LMO4: variants seen among roughly 807,000 people sequenced by gnomAD.
The protein encoded by LMO4 is LIM domain transcription factor LMO4.
In LMO4, 3 loss-of-function variants were observed where a neutral mutation model predicts 18.5. That is an observed-to-expected ratio of 0.16 (90% CI 0.07 to 0.42). LMO4 has a LOEUF of 0.42. LMO4 is among the 10% of genes least tolerant of loss of function. The pLI is 0.99. For synonymous variants in LMO4, 100 were observed against 88.1 expected (o/e 1.14, Z -0.76); for missense variants, 121 against 219.9 (o/e 0.55, Z 2.84).
At chr1:87,339,908 T>C (rs1650424483) in intron 3 of LMO4, 139 bp from the exon 4 acceptor site, 1 of 944,574 alleles carries the variant, frequency 1.1e-6, no homozygotes, top group South Asian at 1.7e-5. Flanking sequence ...TCTGGAGATC[T>C]GTCAAAGGAA....
Position 87,346,607 on chromosome 1 carries a change from C to T in LMO4, c.*1811C>T, listed in dbSNP as rs1650642295. 1 of 151,906 alleles carries T rather than the reference C, an allele frequency of 6.6e-6. No individual in the cohort carries two copies. The highest frequency in any genetic ancestry group is 6.5e-5 in the Admixed American group (1 of 15,272). The allele number at this position is 151,906 out of a possible 1,614,324, so 9.4% of individuals were successfully genotyped here. ...ACATCTCAACTACCAGTCAGCTTCC[C>T]TTTGAGAACTTCTGTGCTCACTTCC... On this transcript the variant is annotated 3_prime_UTR_variant, in exon 5 of 5. Coordinates refer to ENST00000370544, the MANE Select transcript of LMO4 (RefSeq NM_006769.4).
intron 1 of LMO4, 160 bp from the exon 2 acceptor site, chr1:87,331,851 TCC>T: frequency 2.6e-5 from 16 of 606,260 alleles, no homozygotes; most frequent in Admixed American, 8.9e-5. Flanking sequence ...CCTCCCTTCT[TCC>T]CTCTCCCCCT....
rs201709154 is a variant in LMO4, at chr1:87,329,127, A to ACTCCCTCC, written c.-112_-105dup. On this transcript the variant is annotated 5_prime_UTR_variant, in exon 1 of 5. Transcript: ENST00000370544. ...CCTCCCCTTTCCTGCTTCTGCGAGA[A>ACTCCCTCC]CTCCCTCCCTCCCTCCAGCTCCGCC... 2 of 141,778 alleles carry ACTCCCTCC rather than the reference A, an allele frequency of 1.4e-5. No individual in the cohort carries two copies. The highest frequency in any genetic ancestry group is 5.3e-5 in the African/African-American group (2 of 37,986). 8.8% of individuals were successfully genotyped at this position (141,778 alleles called of 1,614,324 possible).
chr1:87,342,416 T>C (rs1650523032), intron 4 of LMO4, among the ~76,000 whole-genome samples: 1 of 152,208 alleles, frequency 6.6e-6, no homozygotes, highest in Non-Finnish European at 1.5e-5. Context: ...CATTGAAATC[T>C]GTTTTCCACA....
chr1:87,338,733 T>C (rs1359074092), intron 2 of LMO4, among the ~76,000 whole-genome samples: 1 of 152,162 alleles, frequency 6.6e-6, no homozygotes, highest in Non-Finnish European at 1.5e-5. Flanking sequence ...TTTGATTGCA[T>C]AGGAAAACTG....
At chr1:87,341,054 C>T (rs553051579) in intron 4 of LMO4, among the ~76,000 whole-genome samples, 3 of 152,308 alleles carry the variant, frequency 2.0e-5, no homozygotes, top group African/African-American at 4.8e-5. Flanking sequence ...ATTTTGATAA[C>T]TGCTGTGCCT....
At chr1:87,336,508 C>CA (rs1176088187) in intron 2 of LMO4, among the ~76,000 whole-genome samples, 1 of 152,204 alleles carries the variant, frequency 6.6e-6, no homozygotes, top group African/African-American at 2.4e-5. Context: ...ATTTGCCCTC[C>CA]ATCTCTTAAT....
At chr1:87,337,313 TATGAACTGCCCTGATTATTAAA>T (rs1333287592) in intron 2 of LMO4, among the ~76,000 whole-genome samples, 1 of 152,226 alleles carries the variant, frequency 6.6e-6, no homozygotes, top group Non-Finnish European at 1.5e-5. Context: ...TTGGATTACA[TATGAACTGCCCTGATTATTAAA>T]ATACACTTCG....
intron 2 of LMO4, among the ~76,000 whole-genome samples, chr1:87,334,784 G>C (rs906688160): frequency 2.0e-5 from 3 of 152,186 alleles, no homozygotes; most frequent in African/African-American, 7.2e-5. Context: ...TCGATGGGCA[G>C]AGCTGGGCTT....
intron 4 of LMO4, among the ~76,000 whole-genome samples, chr1:87,342,798 A>G (rs954092448): frequency 4.6e-5 from 7 of 152,146 alleles, no homozygotes; most frequent in African/African-American, 1.7e-4. Context: ...TGAGAGGGCA[A>G]GGGGGAAGAG....
At chr1:87,332,933 T>C in intron 2 of LMO4, among the ~76,000 whole-genome samples, 1 of 152,240 alleles carries the variant, frequency 6.6e-6, no homozygotes, top group South Asian at 2.1e-4. Context: ...ATGTAGAATT[T>C]GCAGTTTTTT....
rs1446682934 is a variant in LMO4, at chr1:87,345,503, T to A, written c.*707T>A. ...TTTGCTGAATGAAGAAAAAAAAAAA[T>A]CTTTTATTTGTGATATTTTCAGAGA... On this transcript the variant is annotated 3_prime_UTR_variant, in exon 5 of 5. Coordinates refer to ENST00000370544, the MANE Select transcript of LMO4 (RefSeq NM_006769.4). The A allele has an allele frequency of 1.3e-5, 2 of 151,414 alleles. No homozygotes were observed. The highest frequency in any genetic ancestry group is 3.9e-4 in the East Asian group (2 of 5,166). The allele number at this position is 151,414 out of a possible 1,614,324, so 9.4% of individuals were successfully genotyped here. A position where few individuals can be genotyped will look rare whatever the true frequency, so the allele number is the denominator to read the frequency against.
chr1:87,344,382 G>A (rs1026372040), intron 4 of LMO4, among the ~76,000 whole-genome samples: 1 of 152,184 alleles, frequency 6.6e-6, no homozygotes, highest in African/African-American at 2.4e-5. Flanking sequence ...AGGTTACACG[G>A]TTAAGCATAT....
At chr1:87,330,005 T>A (rs1046398079) in intron 1 of LMO4, among the ~76,000 whole-genome samples, 4 of 108,078 alleles carry the variant, frequency 3.7e-5, no homozygotes, top group Admixed American at 9.3e-5. Flanking sequence ...AAAAGCTTTC[T>A]TTTTTTTTTT....
At chr1:87,331,683 T>G (rs897647240) in intron 1 of LMO4, 1 of 321,762 alleles carries the variant, frequency 3.1e-6, no homozygotes, top group Non-Finnish European at 5.7e-6. Context: ...TGGGAGGAGG[T>G]GCCGCGAGGG....
intron 4 of LMO4, among the ~76,000 whole-genome samples, chr1:87,344,308 T>C (rs1452107126): frequency 6.6e-6 from 1 of 152,184 alleles, no homozygotes; most frequent in Non-Finnish European, 1.5e-5. Flanking sequence ...ATCATAACAG[T>C]GTCATTATCC....
In LMO4 at chr1:87,348,579, C is replaced by T. The variant is rs1023677964; in HGVS notation, c.*3783C>T. 1.2e-5 allele frequency: 5 copies of T among 415,508 alleles called. No individual in the cohort carries two copies. The highest frequency in any genetic ancestry group is 2.5e-5 in the Admixed American group (1 of 39,942). 25.7% of individuals were successfully genotyped at this position (415,508 alleles called of 1,614,324 possible). A position where few individuals can be genotyped will look rare whatever the true frequency, so the allele number is the denominator to read the frequency against. On this transcript the variant is annotated 3_prime_UTR_variant, in exon 5 of 5. Coordinates refer to ENST00000370544, the MANE Select transcript of LMO4 (RefSeq NM_006769.4). ...GACTAGCAGCAAAGTGTAGCACATT[C>T]GCCGATGCTGGGTACCTAGTTAAAG...
At chr1:87,341,140 A>T (rs929408474) in intron 4 of LMO4, among the ~76,000 whole-genome samples, 1 of 152,320 alleles carries the variant, frequency 6.6e-6, no homozygotes, top group African/African-American at 2.4e-5. Context: ...AGTGAAATGT[A>T]TGACTCGTGT....
chr1:87,334,981 CAAACA>C (rs1320564459), intron 2 of LMO4, among the ~76,000 whole-genome samples: 1 of 135,822 alleles, frequency 7.4e-6, no homozygotes, highest in African/African-American at 2.8e-5. Flanking sequence ...AGCTGCGTCG[CAAACA>C]AAACATTTAA....
Sources: allele counts gnomAD v4.1 joint callset (sites outside exome capture counted in the v4.1 genomes callset), GRCh38; gene constraint gnomAD v4.1.1; transcripts MANE v1.5; gene names NCBI Gene and HGNC (gene_info 2026-07-23, HGNC 2026-07-21).